The following LRRC9 variants were observed in gnomAD, a reference collection of about 807,000 sequenced individuals.
LRRC9 encodes leucine-rich repeat-containing protein 9.
LRRC9 carries 122 observed loss-of-function variants against 63.2 expected under a neutral mutation model. The observed-to-expected ratio is 1.93, with a 90% CI of 1.67 to 2.24. The LOEUF is 2.24. LRRC9 is among the 30% of genes most tolerant of loss of function. LRRC9 has a pLI of 0.00. For missense variants in LRRC9, 1,071 were observed against 627.7 expected (o/e 1.71, Z -7.55); for synonymous variants, 366 against 213.1 (o/e 1.72, Z -6.25).
In LRRC9 at chr14:59,978,005, C is replaced by A; in HGVS notation, c.1763-12C>A. The stretch of plus-strand genomic sequence containing the variant: ...AATGTGTTTGCTTTGCTTGTTTTTG[C>A]TTTTACTCTAGATTCTGTCATGGGA... On this transcript the variant is annotated splice_polypyrimidine_tract_variant and intron_variant, in intron 14 of 31. Coordinates refer to ENST00000445360, the Ensembl canonical transcript of LRRC9. 1.5e-6 allele frequency: 1 copy of A among 688,730 alleles called. No homozygotes were observed. Among genetic ancestry groups the A allele is most frequent in the Non-Finnish European group, 2.7e-6 (1 of 377,186 alleles). The allele number at this position is 688,730 out of a possible 1,614,324, so 42.7% of individuals were successfully genotyped here.
rs1566868100 is a variant in LRRC9 at position 60,004,652 on chromosome 14, T to C, written c.2842+854T>C. Among the ~76,000 whole-genome samples the C allele has an allele frequency of 6.6e-6, 1 of 152,050 alleles. No homozygotes were observed. The highest frequency in any genetic ancestry group is 1.5e-5 in the Non-Finnish European group (1 of 67,926). The stretch of plus-strand genomic sequence containing the variant: ...AAAAATCATGAGTTTAGAGAACATG[T>C]CCTAGAATATATACTACTAAGTCAA... On this transcript the variant is annotated intron_variant, in intron 21 of 31. Transcript: ENST00000445360. The surrounding 1 kb of genome is among the most constrained non-coding windows in gnomAD (Gnocchi z 4.8).
intron 29 of LRRC9, among the ~76,000 whole-genome samples, chr14:60,036,483 T>C (rs968814749): frequency 2.6e-5 from 4 of 152,212 alleles, no homozygotes; most frequent in African/African-American, 7.2e-5. Flanking sequence ...TTCCTTCACA[T>C]TGATGACTTT....
chr14:60,005,854 A>C (rs2140226084), intron 21 of LRRC9, among the ~76,000 whole-genome samples: 1 of 152,254 alleles, frequency 6.6e-6, no homozygotes, highest in South Asian at 2.1e-4. Context: ...ATACTTATAA[A>C]GTGCTTGCAG....
At chr14:60,018,513 G>T (rs532889218) in intron 25 of LRRC9, 34 bp downstream of exon 25, 210 of 670,330 alleles carry the variant, frequency 3.1e-4, no homozygotes, top group East Asian at 3.3e-4. Flanking sequence ...TTCTTTCAAG[G>T]TTTCCAATGC....
chr14:59,979,255 A>C (rs565351348), intron 15 of LRRC9, among the ~76,000 whole-genome samples: 3 of 152,308 alleles, frequency 2.0e-5, no homozygotes, highest in South Asian at 2.1e-4. Context: ...TAAAAATTTA[A>C]AAAATTAAAA....
Position 60,057,828 on chromosome 14 carries a change from T to C in LRRC9, c.4132-50T>C, listed in dbSNP as rs1168238473. Reference sequence around the variant, plus strand: ...TTGTTATAAGGATTAAGCCTATTGATCTGAGTTTTGGAGATGAGATGTTAT... The same window carrying C: ...TTGTTATAAGGATTAAGCCTATTGACCTGAGTTTTGGAGATGAGATGTTAT... On this transcript the variant is annotated intron_variant, in intron 30 of 31. Transcript: ENST00000445360. The C allele has an allele frequency of 1.0e-5, 6 of 586,882 alleles. No individual in the cohort carries two copies. The South Asian group carries it at 1.3e-4, about 12-fold the overall frequency. The allele number at this position is 586,882 out of a possible 1,614,324, so 36.4% of individuals were successfully genotyped here. A position where few individuals can be genotyped will look rare whatever the true frequency, so the allele number is the denominator to read the frequency against.
intron 7 of LRRC9, among the ~76,000 whole-genome samples, chr14:59,941,256 G>A (rs1191978952): frequency 6.6e-6 from 1 of 151,896 alleles, no homozygotes; most frequent in South Asian, 2.1e-4. Context: ...GTTGTTTTTT[G>A]TGGAAGATGG....
intron 8 of LRRC9, among the ~76,000 whole-genome samples, chr14:59,949,268 T>G (rs930887851): frequency 2.6e-5 from 4 of 152,230 alleles, no homozygotes; most frequent in African/African-American, 4.8e-5. Context: ...ATTTATCCAT[T>G]TATTCTAGAT....
rs147735372 is a variant in LRRC9 at position 59,922,215 on chromosome 14, C to T, written c.-34+2332C>T. ...AAGAAGAAAACGTGAAGAAGAGAGT[C>T]GTCAGCATTGTCAAATGCCATGTCA... On this transcript the variant is annotated intron_variant, in intron 1 of 31. Coordinates refer to ENST00000445360, the Ensembl canonical transcript of LRRC9. The surrounding 1 kb of genome is among the most constrained non-coding windows in gnomAD (Gnocchi z 5.3). 2.6e-3 allele frequency among the ~76,000 whole-genome samples: 401 copies of T among 152,218 alleles called. No homozygotes were observed. The highest frequency in any genetic ancestry group is 7.2e-3 in the African/African-American group (301 of 41,530).
At chr14:60,034,037 T>C (rs1285896069) in intron 29 of LRRC9, among the ~76,000 whole-genome samples, 7 of 145,886 alleles carry the variant, frequency 4.8e-5, no homozygotes, top group Non-Finnish European at 9.0e-5. Flanking sequence ...TTTTTTTTTT[T>C]TGAGACAGAG....
At chr14:59,955,282 TTTGATTGGTA>T (rs1883616759) in intron 8 of LRRC9, among the ~76,000 whole-genome samples, 1 of 152,172 alleles carries the variant, frequency 6.6e-6, no homozygotes, top group Admixed American at 6.5e-5. Flanking sequence ...CTGGACTTCT[TTTGATTGGTA>T]GGATATTAAT....
Position 59,977,281 on chromosome 14 carries a change from G to T in LRRC9, c.1696G>T (p.Glu566Ter), listed in dbSNP as rs1389403316. The change falls in exon 14 of 32, where the codon GAA becomes TAA. Residue 566 changes from glutamate to a stop codon, truncating the protein, a stop_gained. Transcript: ENST00000445360. LOFTEE classifies it high-confidence loss of function. ...CCAGAGTGTTCAGGCCCATGAAAAAGAATCCATCAGTCAATCCAACTATCC... is the reference window on the plus strand; with the variant it reads ...CCAGAGTGTTCAGGCCCATGAAAAATAATCCATCAGTCAATCCAACTATCC... The T allele has an allele frequency of 2.9e-6, 2 of 700,848 alleles. No individual in the cohort carries two copies. The highest frequency in any genetic ancestry group is 5.2e-6 in the Non-Finnish European group (2 of 384,284). The allele number at this position is 700,848 out of a possible 1,614,324, so 43.4% of individuals were successfully genotyped here. A position where few individuals can be genotyped will look rare whatever the true frequency, so the allele number is the denominator to read the frequency against.
intron 16 of LRRC9, among the ~76,000 whole-genome samples, chr14:59,984,456 C>T (rs966709119): frequency 6.6e-6 from 1 of 152,138 alleles, no homozygotes; most frequent in African/African-American, 2.4e-5. Flanking sequence ...TACTTGATAC[C>T]ACTCATAATG....
chr14:60,062,750 T>A (rs900666449), intron 31 of LRRC9, among the ~76,000 whole-genome samples: 1 of 152,180 alleles, frequency 6.6e-6, no homozygotes, highest in African/African-American at 2.4e-5. Flanking sequence ...TTCCCAAGTA[T>A]TACCTGTCCC....
intron 27 of LRRC9, among the ~76,000 whole-genome samples, chr14:60,024,120 C>T (rs961538953): frequency 6.6e-6 from 1 of 152,076 alleles, no homozygotes. Context: ...GTGCATGTGT[C>T]TCTATAGCAG....
Position 60,058,016 on chromosome 14 carries a change from G to A in LRRC9, c.4270G>A (p.Val1424Ile), listed in dbSNP as rs1894408346. The change falls in exon 31 of 32, where the codon GTT (valine) becomes ATT (isoleucine). Residue 1424 changes from valine (V) to isoleucine (I), a missense_variant. Physicochemically the swap from Val to Ile is conservative, Grantham distance 29 (BLOSUM62 3). Transcript: ENST00000445360. The surrounding 1 kb of genome is among the most constrained non-coding windows in gnomAD (Gnocchi z 4.4). ...ATCTGACGTCACTTTAACTCCTGAA[G>A]TTGAAGGTATTTTGACAATTTCAGA... 1.6e-6 allele frequency: 1 copy of A among 623,260 alleles called. No individual in the cohort carries two copies. The highest frequency in any genetic ancestry group is 3.0e-6 in the Non-Finnish European group (1 of 332,460). 38.6% of individuals were successfully genotyped at this position (623,260 alleles called of 1,614,324 possible). A position where few individuals can be genotyped will look rare whatever the true frequency, so the allele number is the denominator to read the frequency against.
chr14:60,025,522 T>G (rs995905833), intron 27 of LRRC9, among the ~76,000 whole-genome samples: 2 of 152,168 alleles, frequency 1.3e-5, no homozygotes, highest in South Asian at 2.1e-4. Context: ...GCATGGCAAA[T>G]TAGAGTAGGG....
chr14:60,064,194 T>C (rs985128397), downstream of LRRC9, among the ~76,000 whole-genome samples: 1 of 152,222 alleles, frequency 6.6e-6, no homozygotes, highest in Admixed American at 6.5e-5. Flanking sequence ...TTCTAAACTA[T>C]TACATTGCAT....
chr14:60,054,143 C>A (rs1894101949), intron 30 of LRRC9: 1 of 249,342 alleles, frequency 4.0e-6, no homozygotes, highest in Non-Finnish European at 8.0e-6. Context: ...TTTCACTGAA[C>A]TCACCAGATT....
Sources: allele counts gnomAD v4.1 joint callset (sites outside exome capture counted in the v4.1 genomes callset), GRCh38; gene constraint gnomAD v4.1.1; non-coding constraint Gnocchi (gnomAD v3.1); transcripts MANE v1.5; gene names NCBI Gene and HGNC (gene_info 2026-07-23, HGNC 2026-07-21).